Variants in RAD54L2 observed in about 807,000 individuals in gnomAD.
RAD54L2 encodes RAD54 like 2.
In RAD54L2, 27 loss-of-function variants were observed where a neutral mutation model predicts 138.4. The observed-to-expected ratio is 0.20, with a 90% confidence interval of 0.14 to 0.27. RAD54L2 has a LOEUF of 0.27. Ranked by LOEUF, RAD54L2 falls within the 10% of genes least tolerant of loss-of-function variation. The probability of loss-of-function intolerance (pLI) is 1.00; values close to 1 mark genes in which losing one functional copy is unlikely to be tolerated. For missense variants in RAD54L2, 1,396 were observed against 1,890.2 expected, an observed-to-expected ratio of 0.74 and a Z score of 4.85; for synonymous variants, 644 against 723.2, an observed-to-expected ratio of 0.89 and a Z score of 1.76.
Position 51,637,133 on chromosome 3 carries a change from C to G in RAD54L2, c.1340-28C>G. ...GACTAAGAGCAGGCCCTGTCACCCTCTGACTCCGGATCCTCTTCCCTCCCT... is the reference window on the plus strand; with the variant it reads ...GACTAAGAGCAGGCCCTGTCACCCTGTGACTCCGGATCCTCTTCCCTCCCT... On this transcript the variant is annotated intron_variant, in intron 10 of 22. Coordinates refer to ENST00000684192, the MANE Select transcript of RAD54L2 (RefSeq NM_015106.4). The surrounding 1 kb of genome is among the most constrained non-coding windows in gnomAD (Gnocchi z 5.9). The G allele has an allele frequency of 6.5e-7, 1 of 1,550,084 alleles. No individual in the cohort carries two copies.
intron 2 of RAD54L2, among the ~76,000 whole-genome samples, chr3:51,574,342 A>C (rs1244366679): frequency 6.6e-6 from 1 of 152,180 alleles, no homozygotes; most frequent in Non-Finnish European, 1.5e-5. Flanking sequence ...ATGATTTATA[A>C]TCCTTTGGGT....
intron 14 of RAD54L2, among the ~76,000 whole-genome samples, chr3:51,640,260 T>A (rs1476129669): frequency 6.6e-6 from 1 of 152,178 alleles, no homozygotes; most frequent in African/African-American, 2.4e-5. Context: ...TAAGGATAGT[T>A]TTTACATTTT....
chr3:51,619,263 T>C (rs1209943904), intron 3 of RAD54L2, among the ~76,000 whole-genome samples: 1 of 152,174 alleles, frequency 6.6e-6, no homozygotes, highest in African/African-American at 2.4e-5. Flanking sequence ...TTCACCATGT[T>C]GGTCAGGCCG....
rs1700709648 is a variant in RAD54L2, at chr3:51,627,060, T to C, written c.140-493T>C. Reference sequence around the variant, plus strand: ...GGGGAAGGAATCTTACAAATATCCCTTGAAGCGTCTAGGATATTGCTTGCC... The same window carrying C: ...GGGGAAGGAATCTTACAAATATCCCCTGAAGCGTCTAGGATATTGCTTGCC... On this transcript the variant is annotated intron_variant, in intron 3 of 22. Coordinates refer to ENST00000684192, the MANE Select transcript of RAD54L2 (RefSeq NM_015106.4). 3.3e-5 allele frequency among the ~76,000 whole-genome samples: 5 copies of C among 152,308 alleles called. No homozygotes were observed. In the South Asian group the frequency reaches 1.0e-3, roughly 32 times the overall value.
chr3:51,620,514 A>G (rs777385753), intron 3 of RAD54L2, among the ~76,000 whole-genome samples: 6 of 147,580 alleles, frequency 4.1e-5, no homozygotes, highest in African/African-American at 7.5e-5. Context: ...TCTTTTTTAT[A>G]CAATAGGAGA....
At position 51,599,381 on chromosome 3, in the gene RAD54L2, G is replaced by C. The variant is rs1700032724; in HGVS notation, c.139+8822G>C. Among the ~76,000 whole-genome samples, 5 of 152,202 alleles carry C rather than the reference G, an allele frequency of 3.3e-5. No homozygotes were observed. The South Asian group carries it at 1.0e-3, about 32-fold the overall frequency. Reference sequence around the variant, plus strand: ...GCAGCTTAGTGCTTTTCTAGGGATAGGATTAGGGGCAGAGAGAGGAGAGAA... The same window carrying C: ...GCAGCTTAGTGCTTTTCTAGGGATACGATTAGGGGCAGAGAGAGGAGAGAA... On this transcript the variant is annotated intron_variant, in intron 3 of 22. Coordinates refer to ENST00000684192, the MANE Select transcript of RAD54L2 (RefSeq NM_015106.4).
At chr3:51,572,322 G>C (rs1327756403) in intron 2 of RAD54L2, among the ~76,000 whole-genome samples, 1 of 151,958 alleles carries the variant, frequency 6.6e-6, no homozygotes, top group Non-Finnish European at 1.5e-5. Context: ...GCGTTGTGGT[G>C]GGCACCTGTA....
chr3:51,556,287 TG>T (rs2108697613), intron 2 of RAD54L2, among the ~76,000 whole-genome samples: 1 of 152,340 alleles, frequency 6.6e-6, no homozygotes, highest in African/African-American at 2.4e-5. Context: ...TGTTTTGTTT[TG>T]TTTTTGAGAC....
chr3:51,568,255 C>T (rs1000092566), intron 2 of RAD54L2, among the ~76,000 whole-genome samples: 2 of 152,126 alleles, frequency 1.3e-5, no homozygotes, highest in African/African-American at 4.8e-5. Flanking sequence ...ACTCCTCATT[C>T]TTGTATGCTG....
chr3:51,658,241 AT>A (rs1316442248), intron 21 of RAD54L2, among the ~76,000 whole-genome samples: 1 of 151,884 alleles, frequency 6.6e-6, no homozygotes, highest in African/African-American at 2.4e-5. Flanking sequence ...CCTTACTGTC[AT>A]TTTTATGAGA....
In RAD54L2 at chr3:51,639,842, C is replaced by T. The variant is rs548997852; in HGVS notation, c.2113-39C>T. The T allele has an allele frequency of 4.6e-6, 7 of 1,521,446 alleles. No homozygotes were observed. The Admixed American group carries it at 1.3e-4, about 29-fold the overall frequency. The allele number at this position is 1,521,446 out of a possible 1,614,324, so 94.2% of individuals were successfully genotyped here. On this transcript the variant is annotated intron_variant, in intron 13 of 22. Transcript: ENST00000684192. Reference sequence around the variant, plus strand: ...ATAATTTTATTTCTAGTGATCTGGCCTTGGACCTGCTCTAAGCTGCCTTGT... The same window carrying T: ...ATAATTTTATTTCTAGTGATCTGGCTTTGGACCTGCTCTAAGCTGCCTTGT...
chr3:51,598,143 A>G (rs1011150293), intron 3 of RAD54L2, among the ~76,000 whole-genome samples: 2 of 140,898 alleles, frequency 1.4e-5, no homozygotes, highest in South Asian at 2.2e-4. Context: ...ATGTGTGTAT[A>G]TATATATGTG....
chr3:51,604,349 G>T (rs920237014), intron 3 of RAD54L2, among the ~76,000 whole-genome samples: 1 of 152,098 alleles, frequency 6.6e-6, no homozygotes, highest in Non-Finnish European at 1.5e-5. Flanking sequence ...CCCCAGTATG[G>T]TTATCTAATT....
chr3:51,657,583 T>C lies in RAD54L2; in HGVS notation c.3230T>C (p.Ile1077Thr). 6.4e-7 allele frequency: 1 copy of C among 1,558,780 alleles called. No homozygotes were observed. Among genetic ancestry groups the C allele is most frequent in the Non-Finnish European group, 8.7e-7 (1 of 1,143,828 alleles). ...LVQKVVTTTD[I>T]VIPGLNSSTD... ...TTAAGATCTGTGTTTTTCCTAGATA[T>C]TGTTATTCCTGGACTCAACAGCTCC... Residue 1077 changes from isoleucine to threonine, a missense_variant, in exon 21 of 23, where the codon ATT becomes ACT. By Grantham distance (89) the Ile-to-Thr change is moderately conservative. Coordinates refer to ENST00000684192, the MANE Select transcript of RAD54L2 (RefSeq NM_015106.4).
chr3:51,567,453 C>T (rs970274659), intron 2 of RAD54L2, among the ~76,000 whole-genome samples: 1 of 151,960 alleles, frequency 6.6e-6, no homozygotes, highest in Non-Finnish European at 1.5e-5. Flanking sequence ...TTAACTTTTG[C>T]AATTTTTTTG....
chr3:51,651,358 C>A (rs1282943969), intron 19 of RAD54L2, among the ~76,000 whole-genome samples: 2 of 152,140 alleles, frequency 1.3e-5, no homozygotes, highest in Non-Finnish European at 2.9e-5. Context: ...ACCAGAGGTA[C>A]AAAGAGGAGC....
At chr3:51,572,312 G>A (rs912232779) in intron 2 of RAD54L2, among the ~76,000 whole-genome samples, 9 of 152,054 alleles carry the variant, frequency 5.9e-5, no homozygotes, top group African/African-American at 2.2e-4. Flanking sequence ...AATTAGCCAG[G>A]CGTTGTGGTG....
At chr3:51,639,137 G>A in intron 12 of RAD54L2, 2 of 441,404 alleles carry the variant, frequency 4.5e-6, no homozygotes, top group Non-Finnish European at 8.2e-6. Context: ...GAATAAGAAT[G>A]TCAAAAAGGC....
At chr3:51,592,159 G>A (rs891358892) in intron 3 of RAD54L2, among the ~76,000 whole-genome samples, 1 of 131,696 alleles carries the variant, frequency 7.6e-6, no homozygotes, top group Non-Finnish European at 1.5e-5. Flanking sequence ...TCACCTCCTG[G>A]TTCAAGCGAT....
Sources: gnomAD v4.1 joint callset for allele counts (sites outside exome capture counted in the v4.1 genomes callset) on GRCh38, gnomAD v4.1.1 for gene constraint, Gnocchi (gnomAD v3.1) non-coding constraint, MANE v1.5 for transcripts, NCBI Gene and HGNC (gene_info 2026-07-23, HGNC 2026-07-21) for gene names.